LITAF: variants seen among roughly 807,000 people sequenced by gnomAD.
The protein encoded by LITAF is lipopolysaccharide induced TNF factor.
A neutral mutation model predicts 14.5 loss-of-function variants in LITAF; 9 were observed. That is an observed-to-expected ratio of 0.62 (90% confidence interval 0.37 to 1.08). The LOEUF (loss-of-function observed/expected upper bound fraction) is 1.08. LITAF is among the 50% of genes least tolerant of loss of function. LITAF has a pLI of 0.01. For missense variants in LITAF, 206 were observed against 213.4 expected (o/e 0.97, Z 0.22); for synonymous variants, 98 against 88.2 (o/e 1.11, Z -0.62).
chr16:11,567,998 G>A (rs755714221), intron 1 of LITAF, among the ~76,000 whole-genome samples: 4 of 148,990 alleles, frequency 2.7e-5, no homozygotes, highest in Non-Finnish European at 6.0e-5. Flanking sequence ...AATAAAGACG[G>A]TAGTTCCAGC....
chr16:11,603,535 G>T (rs191951051), intron 3 of LITAF, among the ~76,000 whole-genome samples: 1 of 152,316 alleles, frequency 6.6e-6, no homozygotes, highest in East Asian at 1.9e-4. Context: ...TGGAACAGGC[G>T]CTCCAGTTTT....
intron 3 of LITAF, among the ~76,000 whole-genome samples, chr16:11,624,405 T>C (rs6498232): frequency 0.27 from 40,743 of 152,148 alleles, 7,207 homozygotes; most frequent in African/African-American, 0.5. Flanking sequence ...GAATTCATGA[T>C]AACAAGCCCC....
intron 3 of LITAF, among the ~76,000 whole-genome samples, chr16:11,607,371 CT>C (rs1408907268): frequency 6.6e-6 from 1 of 152,186 alleles, no homozygotes; most frequent in Admixed American, 6.5e-5. Flanking sequence ...GAGAAAAGCC[CT>C]TCACACCCAA....
intron 1 of LITAF, among the ~76,000 whole-genome samples, chr16:11,571,860 G>A (rs1231308858): frequency 2.6e-5 from 4 of 152,162 alleles, no homozygotes; most frequent in Non-Finnish European, 5.9e-5. Context: ...CACTTTGGGA[G>A]GTGAGGTGGG....
At chr16:11,615,486 G>T (rs933642575) in intron 3 of LITAF, among the ~76,000 whole-genome samples, 2 of 151,126 alleles carry the variant, frequency 1.3e-5, no homozygotes, top group Non-Finnish European at 3.0e-5. Flanking sequence ...GCGGTGAGCC[G>T]AGATCACACC....
chr16:11,576,554 A>AAAAAAAAAAC (rs1555469756), intron 1 of LITAF, among the ~76,000 whole-genome samples: 11 of 116,640 alleles, frequency 9.4e-5, no homozygotes, highest in Non-Finnish European at 1.4e-4. Flanking sequence ...AAAAAAAAAA[A>AAAAAAAAAAC]AGAGAGAGAG....
At position 11,558,871 on chromosome 16, in the gene LITAF, G is replaced by A. The variant is rs1330016057; in HGVS notation, c.-5-2136C>T. Among the ~76,000 whole-genome samples the A allele has an allele frequency of 6.6e-6, 1 of 152,204 alleles. No individual in the cohort carries two copies. Among genetic ancestry groups the A allele is most frequent in the Non-Finnish European group, 1.5e-5 (1 of 68,046 alleles). ...CTTTCTATCAGAGTGCTGTCCAACAGAATCTTCTGTGAGGATGGAAATGCT... is the reference window on the plus strand; with the variant it reads ...CTTTCTATCAGAGTGCTGTCCAACAAAATCTTCTGTGAGGATGGAAATGCT... On this transcript the variant is annotated intron_variant, in intron 1 of 3. Transcript: ENST00000622633. The surrounding 1 kb of genome is among the most constrained non-coding windows in gnomAD (Gnocchi z 4.1).
intron 1 of LITAF, among the ~76,000 whole-genome samples, chr16:11,583,424 A>C (rs531166316): frequency 1.3e-5 from 2 of 152,310 alleles, no homozygotes; most frequent in South Asian, 4.1e-4. Flanking sequence ...ACAGTTTTTC[A>C]TCAAACAGTG....
At chr16:11,576,530 T>A in intron 1 of LITAF, among the ~76,000 whole-genome samples, 2 of 47,638 alleles carry the variant, frequency 4.2e-5, no homozygotes, top group Admixed American at 2.2e-4. Context: ...TTTCTTACAA[T>A]CTGCAAAAAA....
intron 1 of LITAF, among the ~76,000 whole-genome samples, chr16:11,581,219 C>T (rs1437826339): frequency 6.6e-6 from 1 of 152,174 alleles, no homozygotes; most frequent in East Asian, 1.9e-4. Flanking sequence ...ATTTCATAGG[C>T]TCAATTATGG....
At chr16:11,572,433 TCAGCGAGAAGTCACATGACATCACACAC>T (rs1375447533) in intron 1 of LITAF, among the ~76,000 whole-genome samples, 16 of 152,150 alleles carry the variant, frequency 1.1e-4, no homozygotes, top group African/African-American at 2.9e-4. Flanking sequence ...CTGAATATCG[TCAGCGAGAAGTCACATGACATCACACAC>T]CAGCGAGAAG....
At chr16:11,582,730 C>G (rs1322226482) in intron 1 of LITAF, among the ~76,000 whole-genome samples, 1 of 152,144 alleles carries the variant, frequency 6.6e-6, no homozygotes, top group Non-Finnish European at 1.5e-5. Context: ...GAAAGAGAAC[C>G]AGCTGCGAGG....
chr16:11,582,893 G>A (rs970174669), intron 1 of LITAF, among the ~76,000 whole-genome samples: 11 of 152,180 alleles, frequency 7.2e-5, no homozygotes, highest in Non-Finnish European at 1.6e-4. Flanking sequence ...AAACTAAGGA[G>A]GGTCACCTGG....
At chr16:11,608,524 G>T (rs956995589) in intron 3 of LITAF, among the ~76,000 whole-genome samples, 1 of 152,242 alleles carries the variant, frequency 6.6e-6, no homozygotes, top group Non-Finnish European at 1.5e-5. Context: ...CCAAATGTCC[G>T]TCGACAGACA....
chr16:11,624,860 C>T (rs1441144037), intron 3 of LITAF, among the ~76,000 whole-genome samples: 1 of 152,142 alleles, frequency 6.6e-6, no homozygotes, highest in African/African-American at 2.4e-5. Flanking sequence ...AGTGACTCTA[C>T]AAATTTTGAG....
chr16:11,608,700 T>C (rs552688724), intron 3 of LITAF, among the ~76,000 whole-genome samples: 11 of 152,194 alleles, frequency 7.2e-5, no homozygotes, highest in Non-Finnish European at 1.2e-4. Context: ...CAGTGGCTCA[T>C]GCCTATAATC....
intron 1 of LITAF, among the ~76,000 whole-genome samples, chr16:11,569,850 T>C (rs1352156576): frequency 2.0e-5 from 3 of 152,108 alleles, no homozygotes; most frequent in South Asian, 2.1e-4. Flanking sequence ...CTGGCCAACA[T>C]GGCAAAACTC....
rs1409821411 is a variant in LITAF, at chr16:11,635,456, T to G, written c.-21+369A>C. On this transcript the variant is annotated intron_variant, in intron 2 of 3. Transcript: ENST00000574848. Reference sequence around the variant, plus strand: ...GGCTCACCTTTGTCCAGGACACACCTGGGAGTGGCCATGGGGACAAGAAGC... The same window carrying G: ...GGCTCACCTTTGTCCAGGACACACCGGGGAGTGGCCATGGGGACAAGAAGC... 2.0e-5 allele frequency among the ~76,000 whole-genome samples: 3 copies of G among 152,276 alleles called. No individual in the cohort carries two copies. The East Asian group carries it at 5.8e-4, about 29-fold the overall frequency.
intron 1 of LITAF, among the ~76,000 whole-genome samples, chr16:11,565,226 G>C (rs1011179323): frequency 3.3e-5 from 5 of 151,698 alleles, no homozygotes; most frequent in Admixed American, 1.3e-4. Context: ...GGGATTACAG[G>C]TGCCTGCCAC....
Sources: gnomAD v4.1 joint callset for allele counts (sites outside exome capture counted in the v4.1 genomes callset) on GRCh38, gnomAD v4.1.1 for gene constraint, Gnocchi (gnomAD v3.1) non-coding constraint, MANE v1.5 for transcripts, NCBI Gene and HGNC (gene_info 2026-07-23, HGNC 2026-07-21) for gene names.